Variants in ACOT11 observed in about 807,000 individuals in gnomAD.
ACOT11 encodes acyl-coenzyme A thioesterase 11.
In ACOT11, 69 loss-of-function variants were observed where a neutral mutation model predicts 77.5. The observed-to-expected ratio is 0.89, with a 90% CI of 0.73 to 1.09. The LOEUF (loss-of-function observed/expected upper bound fraction) is 1.09. Ranked by LOEUF, ACOT11 falls within the 50% of genes least tolerant of loss-of-function variation. The pLI is 0.00. For missense variants in ACOT11, 766 were observed against 813.7 expected, an observed-to-expected ratio of 0.94 and a Z score of 0.71; for synonymous variants, 279 against 313.0, an observed-to-expected ratio of 0.89 and a Z score of 1.15.
intron 1 of ACOT11, among the ~76,000 whole-genome samples, chr1:54,557,017 TGCCTCAGCCTCCCAAGTA>T (rs1242764974): frequency 6.6e-6 from 1 of 152,094 alleles, no homozygotes; most frequent in African/African-American, 2.4e-5. Flanking sequence ...ATGATACTCC[TGCCTCAGCCTCCCAAGTA>T]GCTGAGACTA....
intron 1 of ACOT11, among the ~76,000 whole-genome samples, chr1:54,550,018 C>G (rs1195319723): frequency 2.0e-5 from 3 of 152,178 alleles, no homozygotes; most frequent in Non-Finnish European, 4.4e-5. Context: ...CATTTATGAA[C>G]TCATTCAGTT....
downstream of ACOT11, among the ~76,000 whole-genome samples, chr1:54,613,334 G>A (rs1017605985): frequency 2.6e-5 from 4 of 151,884 alleles, no homozygotes; most frequent in Non-Finnish European, 4.4e-5. Flanking sequence ...AGCTGAGATC[G>A]TGCCATTGCA....
At chr1:54,549,871 C>T (rs1653002083) in intron 1 of ACOT11, among the ~76,000 whole-genome samples, 1 of 152,212 alleles carries the variant, frequency 6.6e-6, no homozygotes, top group South Asian at 2.1e-4. Context: ...CGTATCTTCT[C>T]TTGTGCCCTG....
intron 1 of ACOT11, among the ~76,000 whole-genome samples, chr1:54,575,179 C>T (rs534371150): frequency 1.4e-4 from 21 of 152,184 alleles, no homozygotes; most frequent in Non-Finnish European, 2.2e-4. Context: ...TGGCTGGGCA[C>T]CTTAGGCAGG....
intron 1 of ACOT11, among the ~76,000 whole-genome samples, chr1:54,571,895 T>C (rs1386942717): frequency 6.6e-6 from 1 of 151,938 alleles, no homozygotes; most frequent in Non-Finnish European, 1.5e-5. Context: ...GGCCCCACTT[T>C]CTGGGGAGGA....
chr1:54,564,441 T>G (rs1366676143), intron 1 of ACOT11, among the ~76,000 whole-genome samples: 1 of 152,108 alleles, frequency 6.6e-6, no homozygotes, highest in Non-Finnish European at 1.5e-5. Context: ...ATTGTCTTAT[T>G]TACGACCTCT....
At chr1:54,622,550 CAG>C (rs967619977) in intron 15 of ACOT11, among the ~76,000 whole-genome samples, 2 of 150,304 alleles carry the variant, frequency 1.3e-5, no homozygotes, top group Non-Finnish European at 3.0e-5. Flanking sequence ...AGCCTGGCGA[CAG>C]AGAGAGACTC....
intron 1 of ACOT11, among the ~76,000 whole-genome samples, chr1:54,553,318 C>T (rs1366524118): frequency 6.6e-6 from 1 of 151,252 alleles, no homozygotes; most frequent in Non-Finnish European, 1.5e-5. Context: ...GAGTTTGAGA[C>T]CAGCCTGACC....
intron 1 of ACOT11, among the ~76,000 whole-genome samples, chr1:54,562,555 C>CA (rs1491231528): frequency 2.1e-5 from 3 of 139,622 alleles, no homozygotes; most frequent in Non-Finnish European, 4.8e-5. Flanking sequence ...ACCCACCCCC[C>CA]ACCTCCCTCC....
intron 1 of ACOT11, among the ~76,000 whole-genome samples, chr1:54,551,710 GTTTTGT>G (rs889985174): frequency 5.7e-4 from 86 of 151,726 alleles, no homozygotes; most frequent in African/African-American, 1.5e-3. Context: ...GGCTGTTTTT[GTTTTGT>G]TTTTGTTTTT....
At chr1:54,566,747 T>G (rs452605) in intron 1 of ACOT11, among the ~76,000 whole-genome samples, 102,558 of 151,824 alleles carry the variant, frequency 0.68, 35,416 homozygotes, top group African/African-American at 0.84. Context: ...CGGTGGGGAG[T>G]GCTGGAAGGT....
At chr1:54,610,623 G>T, downstream of ACOT11, 1 of 1,569,138 alleles carries the variant, frequency 6.4e-7, no homozygotes, top group Non-Finnish European at 8.6e-7. Flanking sequence ...GGTTGCTAGG[G>T]TCCCATAGGC....
chr1:54,550,677 G>C (rs993465848), intron 1 of ACOT11, among the ~76,000 whole-genome samples: 3 of 151,392 alleles, frequency 2.0e-5, no homozygotes, highest in Admixed American at 6.6e-5. Context: ...AAAATAGCTG[G>C]GCATAGTGGT....
At chr1:54,634,055 A>G (rs1258323461) in intron 16 of ACOT11, among the ~76,000 whole-genome samples, 1 of 152,190 alleles carries the variant, frequency 6.6e-6, no homozygotes, top group Non-Finnish European at 1.5e-5. Flanking sequence ...AATCGCTACT[A>G]TGATAGGGAT....
intron 15 of ACOT11, chr1:54,628,115 G>C (rs1448200085): frequency 7.5e-6 from 1 of 134,174 alleles, no homozygotes; most frequent in African/African-American, 2.5e-5. Flanking sequence ...CTGGAGGCCT[G>C]ACTGCCTCTG....
At chr1:54,614,601 A>C (rs890089315), downstream of ACOT11, 4 of 1,251,342 alleles carry the variant, frequency 3.2e-6, no homozygotes, top group Non-Finnish European at 4.4e-6. Flanking sequence ...ATATAGTATG[A>C]TTGGAGACAA....
In ACOT11 at chr1:54,548,300, ACCCGGCGCGATGATCCAGAATGT is replaced by A; in HGVS notation, c.-8_15del. 6.3e-7 allele frequency: 1 copy of A among 1,591,640 alleles called. No individual in the cohort carries two copies. The highest frequency in any genetic ancestry group is 8.6e-7 in the Non-Finnish European group (1 of 1,169,280). ...TGGGAGGGCGCTGCTTTCCCCGGCC[ACCCGGCGCGATGATCCAGAATGT>A]CGGAAATCACCTGCGACGGGTATGG... On this transcript the variant is annotated start_lost and 5_prime_UTR_variant, in exon 1 of 16. Transcript: ENST00000343744.
In ACOT11 at chr1:54,599,527, G is replaced by T. The variant is rs1381080359; in HGVS notation, c.884+112G>T. ...AGGAGCCCTTTGCCCTGCAGACAGG[G>T]TCTAAATCCCTGCCTGGCTGATGGG... On this transcript the variant is annotated intron_variant, in intron 8 of 15. Coordinates refer to ENST00000343744, the MANE Select transcript of ACOT11 (RefSeq NM_147161.4). 5.8e-6 allele frequency: 7 copies of T among 1,200,810 alleles called. No individual in the cohort carries two copies. In the African/African-American group the frequency reaches 7.9e-5, roughly 13 times the overall value. 74.4% of individuals were successfully genotyped at this position (1,200,810 alleles called of 1,614,324 possible). A position where few individuals can be genotyped will look rare whatever the true frequency, so the allele number is the denominator to read the frequency against.
chr1:54,571,039 T>C (rs1653912548), intron 1 of ACOT11, among the ~76,000 whole-genome samples: 1 of 151,254 alleles, frequency 6.6e-6, no homozygotes, highest in South Asian at 2.1e-4. Context: ...ATGTATAATC[T>C]CATTGAATCC....
Sources: allele counts gnomAD v4.1 joint callset (sites outside exome capture counted in the v4.1 genomes callset), GRCh38; gene constraint gnomAD v4.1.1; transcripts MANE v1.5; gene names NCBI Gene and HGNC (gene_info 2026-07-23, HGNC 2026-07-21).